Variants in FAM53A observed in about 807,000 individuals in gnomAD.
FAM53A encodes protein FAM53A.
In FAM53A, 28 loss-of-function variants were observed where a neutral mutation model predicts 26.6. That is an observed-to-expected ratio of 1.05 (90% CI 0.78 to 1.45). FAM53A has a LOEUF of 1.45. Ranked by LOEUF, FAM53A falls within the 40% of genes most tolerant of loss-of-function variation. The pLI is 0.00. For synonymous variants in FAM53A, 290 were observed against 253.1 expected (o/e 1.15, Z -1.38); for missense variants, 650 against 575.8 (o/e 1.13, Z -1.32).
At chr4:1,601,445 C>T in the FAM53A span, among the ~76,000 whole-genome samples, 1 of 112,278 alleles carries the variant, frequency 8.9e-6, no homozygotes. Flanking sequence ...CCATGGGACC[C>T]GGCCCCTGTC....
At chr4:1,644,066 G>C in intron 4 of FAM53A, 5 of 1,322,600 alleles carry the variant, frequency 3.8e-6, no homozygotes, top group Non-Finnish European at 5.1e-6. Context: ...CACCAGCTCG[G>C]TCTGGTGTCA....
downstream of FAM53A, among the ~76,000 whole-genome samples, chr4:1,616,450 C>T (rs913620248): frequency 2.0e-5 from 3 of 152,324 alleles, no homozygotes; most frequent in South Asian, 6.2e-4. Context: ...CCACTGCACT[C>T]CAGCCCGGGT....
the FAM53A span, among the ~76,000 whole-genome samples, chr4:1,592,317 G>T: frequency 6.6e-6 from 1 of 152,232 alleles, no homozygotes; most frequent in South Asian, 2.1e-4. Context: ...GGCCCCATCA[G>T]TCTCCGTGGG....
At chr4:1,674,267 C>A (rs1217169111) in intron 1 of FAM53A, among the ~76,000 whole-genome samples, 1 of 152,210 alleles carries the variant, frequency 6.6e-6, no homozygotes, top group African/African-American at 2.4e-5. Context: ...ATGCGGCCTT[C>A]TCCCCAGCGC....
chr4:1,624,355 C>T (rs1261000741), intron 1 of FAM53A, among the ~76,000 whole-genome samples: 1 of 152,182 alleles, frequency 6.6e-6, no homozygotes, highest in African/African-American at 2.4e-5. Flanking sequence ...ATCCCTGCTT[C>T]ATAGTGGAGA....
chr4:1,614,707 G>A (rs1009387870), downstream of FAM53A, among the ~76,000 whole-genome samples: 2 of 152,242 alleles, frequency 1.3e-5, no homozygotes, highest in African/African-American at 4.8e-5. Flanking sequence ...TGCCGCCTCC[G>A]GTCACAACAG....
At chr4:1,611,481 C>A in the FAM53A span, among the ~76,000 whole-genome samples, 1 of 152,238 alleles carries the variant, frequency 6.6e-6, no homozygotes, top group East Asian at 1.9e-4. Context: ...CTGACCTGCA[C>A]TGGCCCAGCT....
At chr4:1,685,363 G>C (rs759424032), upstream of FAM53A, among the ~76,000 whole-genome samples, 1 of 152,016 alleles carries the variant, frequency 6.6e-6, no homozygotes, top group Non-Finnish European at 1.5e-5. Flanking sequence ...AGAAGGGGTG[G>C]TCTGACGGGA....
At chr4:1,636,498 G>A (rs75001454), downstream of FAM53A, among the ~76,000 whole-genome samples, 1,684 of 152,340 alleles carry the variant, frequency 0.011, 30 homozygotes, top group African/African-American at 0.039. Flanking sequence ...GATCCCGTCC[G>A]TCCTCGCGCT....
the FAM53A span, among the ~76,000 whole-genome samples, chr4:1,587,566 G>A: frequency 7.1e-3 from 1,077 of 152,262 alleles, 10 homozygotes; most frequent in Non-Finnish European, 9.7e-3. Flanking sequence ...CAGCTACTCA[G>A]GAGGCTGAGG....
downstream of FAM53A, among the ~76,000 whole-genome samples, chr4:1,613,418 C>G (rs1366073400): frequency 6.6e-6 from 1 of 152,236 alleles, no homozygotes; most frequent in Non-Finnish European, 1.5e-5. Flanking sequence ...GGCAGAGCCC[C>G]TGAAACCTAA....
chr4:1,667,167 C>T (rs185159140), intron 2 of FAM53A, among the ~76,000 whole-genome samples: 1 of 151,484 alleles, frequency 6.6e-6, no homozygotes, highest in African/African-American at 2.4e-5. Context: ...GGTGTGGTGG[C>T]GTGTGCCTGT....
At chr4:1,587,404 G>A in the FAM53A span, among the ~76,000 whole-genome samples, 1 of 152,156 alleles carries the variant, frequency 6.6e-6, no homozygotes, top group African/African-American at 2.4e-5. Flanking sequence ...GGGCACAGTG[G>A]TTTACGTCTG....
At chr4:1,642,527 C>CT (rs1711814557) in intron 4 of FAM53A, among the ~76,000 whole-genome samples, 1 of 152,206 alleles carries the variant, frequency 6.6e-6, no homozygotes, top group Non-Finnish European at 1.5e-5. Context: ...CCAGAGCACT[C>CT]TGAGCTGCAA....
At chr4:1,587,314 C>T in the FAM53A span, among the ~76,000 whole-genome samples, 4 of 152,152 alleles carry the variant, frequency 2.6e-5, no homozygotes, top group Admixed American at 1.3e-4. Context: ...AATCATTACC[C>T]AGACCAATGT....
chr4:1,655,627 G>A lies in FAM53A; in HGVS notation c.233C>T (p.Ala78Val). The part of the protein sequence containing the change: ...DFSFLPGLSA[A>V]AHTMGLQWQP... ...CCACTGAAGACCCATGGTGTGAGCG[G>A]CAGCAGACAGGCCCGGCAGGAAGGA... The change falls in exon 4 of 5, where the codon GCC becomes GTC. Residue 78 changes from alanine to valine, a missense_variant. Ala to Val is a moderately conservative substitution (Grantham distance 64, BLOSUM62 0). Transcript: ENST00000308132. 3.1e-6 allele frequency: 5 copies of A among 1,594,320 alleles called. No individual in the cohort carries two copies. Among genetic ancestry groups the A allele is most frequent in the Admixed American group, 1.7e-5 (1 of 57,274 alleles).
the FAM53A span, among the ~76,000 whole-genome samples, chr4:1,603,431 C>T: frequency 1.3e-5 from 2 of 152,166 alleles, no homozygotes; most frequent in African/African-American, 4.8e-5. Context: ...GCTGCTGGGC[C>T]GCCCACCGCA....
At chr4:1,643,180 A>G (rs1394391587) in intron 4 of FAM53A, among the ~76,000 whole-genome samples, 5 of 152,138 alleles carry the variant, frequency 3.3e-5, no homozygotes, top group Non-Finnish European at 5.9e-5. Flanking sequence ...TAAAAGACAA[A>G]TTGACGCCAG....
the FAM53A span, among the ~76,000 whole-genome samples, chr4:1,597,734 G>A: frequency 1.3e-5 from 2 of 152,232 alleles, no homozygotes; most frequent in Non-Finnish European, 1.5e-5. Flanking sequence ...GGTGGCTCAC[G>A]CCTGTAATCT....
Sources: gnomAD v4.1 joint callset for allele counts (sites outside exome capture counted in the v4.1 genomes callset) on GRCh38, gnomAD v4.1.1 for gene constraint, MANE v1.5 for transcripts, NCBI Gene and HGNC (gene_info 2026-07-23, HGNC 2026-07-21) for gene names.